HOOK2: variants seen among roughly 807,000 people sequenced by gnomAD.
HOOK2 encodes the protein hook microtubule tethering protein 2, also known as protein Hook homolog 2.
A neutral mutation model predicts 111.9 loss-of-function variants in HOOK2; 108 were observed. That is an observed-to-expected ratio of 0.96 (90% CI 0.83 to 1.13). The LOEUF is 1.13. Among genes scored for constraint, HOOK2 ranks in the 50% most tolerant of loss-of-function variants. The pLI, the probability that HOOK2 is intolerant of heterozygous loss-of-function variation, is 0.00. For missense variants in HOOK2, 978 were observed against 951.3 expected (o/e 1.03, Z -0.37); for synonymous variants, 405 against 394.3 (o/e 1.03, Z -0.32).
Position 12,786,291 on chromosome 19 carries a change from A to G in HOOK2, n.42-12066T>C, listed in dbSNP as rs188381951. 1.6e-3 allele frequency among the ~76,000 whole-genome samples: 249 copies of G among 152,182 alleles called. 5 individuals carry two copies. Among genetic ancestry groups the G allele is most frequent in the Admixed American group, 0.016 (244 of 15,298 alleles). On this transcript the variant is annotated intron_variant and non_coding_transcript_variant, in intron 3 of 3. Coordinates refer to the HOOK2 transcript ENST00000589765. This position sits in a 1 kb window ranked among gnomAD's most constrained non-coding sequence, Gnocchi z 4.3. ...TGTGGGTTCTCGCCCTGGCCTGCCCACTGGCTGACTCACAGGCAGCCCCCA... is the reference window on the plus strand; with the variant it reads ...TGTGGGTTCTCGCCCTGGCCTGCCCGCTGGCTGACTCACAGGCAGCCCCCA...
In HOOK2 at chr19:12,772,185, C is replaced by A; in HGVS notation, c.519+5G>T. 1 of 1,608,864 alleles carries A rather than the reference C, an allele frequency of 6.2e-7. No individual in the cohort carries two copies. The highest frequency in any genetic ancestry group is 8.5e-7 in the Non-Finnish European group (1 of 1,175,182). ...CCTGGAACACCTTTCCCCCAAATCT[C>A]TTACCTGGCTGTCAAAGTTGCCATA... On this transcript the variant is annotated splice_donor_5th_base_variant and intron_variant, in intron 7 of 22. Coordinates refer to ENST00000397668, the MANE Select transcript of HOOK2 (RefSeq NM_013312.3).
At chr19:12,778,834 G>A (rs2145790679), upstream of HOOK2, among the ~76,000 whole-genome samples, 1 of 152,324 alleles carries the variant, frequency 6.6e-6, no homozygotes, top group Non-Finnish European at 1.5e-5. Context: ...CAATTTGGGG[G>A]AGGAGCATAA....
intron 3 of HOOK2, among the ~76,000 whole-genome samples, chr19:12,783,856 C>T (rs1488094615): frequency 2.0e-5 from 3 of 152,208 alleles, no homozygotes; most frequent in Non-Finnish European, 2.9e-5. Flanking sequence ...GGCCATGCCC[C>T]ACCCAGACAC....
chr19:12,775,765 C>A (rs910653149), upstream of HOOK2: 48 of 312,826 alleles, frequency 1.5e-4, no homozygotes, highest in Non-Finnish European at 1.7e-5. Context: ...CCCATCCTCG[C>A]CCTGGCCCTT....
At chr19:12,770,109 G>A in intron 10 of HOOK2, 27 bp from the exon 11 acceptor site, 1 of 1,464,962 alleles carries the variant, frequency 6.8e-7, no homozygotes, top group East Asian at 2.8e-5. Flanking sequence ...GAAGGGGGAG[G>A]GCTGAGAGCT....
Position 12,766,248 on chromosome 19 carries a change from C to G in HOOK2, c.1374-8G>C, listed in dbSNP as rs760689435. 135 of 1,563,458 alleles carry G rather than the reference C, an allele frequency of 8.6e-5. No homozygotes were observed. Among genetic ancestry groups the G allele is most frequent in the Non-Finnish European group, 1.0e-4 (120 of 1,161,000 alleles). On this transcript the variant is annotated splice_polypyrimidine_tract_variant and splice_region_variant and intron_variant, in intron 14 of 22. Transcript: ENST00000397668. Reference sequence around the variant, plus strand: ...AGCCGCAGGAGCGTCTCCCTGCAGACCCGGGAGGAGAGAGCAGGGCCAGGG... The same window carrying G: ...AGCCGCAGGAGCGTCTCCCTGCAGAGCCGGGAGGAGAGAGCAGGGCCAGGG...
chr19:12,767,485 C>A (rs1442932219), intron 13 of HOOK2, 21 bp from the exon 14 acceptor site: 9 of 1,597,046 alleles, frequency 5.6e-6, no homozygotes, highest in Non-Finnish European at 7.7e-6. Context: ...CGAGAAAAGT[C>A]TTCAGGTCTC....
At chr19:12,779,976 C>T (rs886146421), upstream of HOOK2, among the ~76,000 whole-genome samples, 5 of 152,198 alleles carry the variant, frequency 3.3e-5, no homozygotes, top group African/African-American at 7.2e-5. Flanking sequence ...ATAGTGAAAC[C>T]CTGTCTCTAC....
upstream of HOOK2, among the ~76,000 whole-genome samples, chr19:12,781,918 C>G (rs145564183): frequency 6.6e-6 from 1 of 152,088 alleles, no homozygotes; most frequent in Middle Eastern, 3.4e-3. Flanking sequence ...CTGCTCAGTG[C>G]AGCCTTGAAT....
chr19:12,787,401 C>T (rs1319123750), intron 3 of HOOK2, among the ~76,000 whole-genome samples: 1 of 152,050 alleles, frequency 6.6e-6, no homozygotes, highest in Non-Finnish European at 1.5e-5. Flanking sequence ...GAGGCTGAGG[C>T]GGGCAGATAA....
chr19:12,783,998 C>A (rs1201182746), intron 3 of HOOK2, among the ~76,000 whole-genome samples: 1 of 151,708 alleles, frequency 6.6e-6, no homozygotes, highest in Non-Finnish European at 1.5e-5. Flanking sequence ...ATTCCAGTGC[C>A]CTGAGAGGGC....
In HOOK2 at chr19:12,790,248, G is replaced by T. The variant is rs2599483; in HGVS notation, n.42-16023C>A. 6.6e-6 allele frequency among the ~76,000 whole-genome samples: 1 copy of T among 152,198 alleles called. No homozygotes were observed. Among genetic ancestry groups the T allele is most frequent in the African/African-American group, 2.4e-5 (1 of 41,452 alleles). On this transcript the variant is annotated intron_variant and non_coding_transcript_variant, in intron 3 of 3. Transcript: ENST00000589765. This position sits in a 1 kb window ranked among gnomAD's most constrained non-coding sequence, Gnocchi z 7.2. ...TTCCTCTTCCGAGGCGCAGGATGCG[G>T]CGGGACCCAGGGCGGGGCGCACGGT...
chr19:12,770,214 A>T (rs1394864892), intron 10 of HOOK2, 132 bp from the exon 11 acceptor site: 9 of 730,022 alleles, frequency 1.2e-5, no homozygotes, highest in Non-Finnish European at 1.9e-5. Flanking sequence ...GGGTCATGAA[A>T]GTTGAGGGTT....
chr19:12,789,672 G>A (rs1023900849), intron 3 of HOOK2, among the ~76,000 whole-genome samples: 2 of 151,520 alleles, frequency 1.3e-5, no homozygotes, highest in Non-Finnish European at 2.9e-5. Context: ...TCCGCGCCCC[G>A]TCGGGCCGGG....
At position 12,764,852 on chromosome 19, in the gene HOOK2, C is replaced by T; in HGVS notation, c.1789G>A (p.Glu597Lys). 1 of 1,614,048 alleles carries T rather than the reference C, an allele frequency of 6.2e-7. No individual in the cohort carries two copies. Among genetic ancestry groups the T allele is most frequent in the Non-Finnish European group, 8.5e-7 (1 of 1,180,038 alleles). Reference sequence around the variant, plus strand: ...TCCACGTAGCGGCGGTATCGCTCCTCCATGGCCCGCAAGTCCGCGTCCTTC... The same window carrying T: ...TCCACGTAGCGGCGGTATCGCTCCTTCATGGCCCGCAAGTCCGCGTCCTTC... ...QKKDADLRAM[E>K]ERYRRYVDKA... The change falls in exon 20 of 23, where the codon GAG becomes AAG. Residue 597 changes from glutamate (E) to lysine (K), a missense_variant. By Grantham distance (56) the Glu-to-Lys change is moderately conservative (BLOSUM62 1). This residue lies in a region of HOOK2 where 277 missense variants were observed against 265.8 expected (regional missense o/e 1.04). Transcript: ENST00000397668.
In HOOK2 at chr19:12,767,420, C is replaced by T. The variant is rs1455714684; in HGVS notation, c.1348G>A (p.Ala450Thr). Residue 450 changes from alanine (A) to threonine (T), a missense_variant, in exon 14 of 23, where the codon GCA becomes ACA. Ala to Thr is a moderately conservative substitution (Grantham distance 58, BLOSUM62 0). Coordinates refer to ENST00000397668, the MANE Select transcript of HOOK2 (RefSeq NM_013312.3). ...CTGAGCTCCGCAGGCAGGATCTCTG[C>T]GGCTAAGTTATCCACGGGTGTGGAG... ...PTSTPVDNLA[A>T]EILPAELRET... 15 of 1,613,850 alleles carry T rather than the reference C, an allele frequency of 9.3e-6. No individual in the cohort carries two copies. The highest frequency in any genetic ancestry group is 2.7e-5 in the African/African-American group (2 of 74,890).
chr19:12,775,939 C>G (rs2145781771), upstream of HOOK2, among the ~76,000 whole-genome samples: 1 of 137,790 alleles, frequency 7.3e-6, no homozygotes, highest in African/African-American at 2.9e-5. Context: ...TGCAGTGGCG[C>G]AATCTCGGCT....
At chr19:12,765,607 G>A (rs1911678305) in intron 18 of HOOK2, 83 bp downstream of exon 18, 1 of 1,535,070 alleles carries the variant, frequency 6.5e-7, no homozygotes, top group Non-Finnish European at 9.0e-7. Flanking sequence ...AAATCAGCCA[G>A]GCATGGTGGC....
chr19:12,774,014 A>G (rs1005042758), intron 3 of HOOK2: 3 of 154,514 alleles, frequency 1.9e-5, no homozygotes, highest in African/African-American at 7.2e-5. Context: ...TCAGCCACCT[A>G]TGCCCTCATT....
Sources: gnomAD v4.1 joint callset for allele counts (sites outside exome capture counted in the v4.1 genomes callset) on GRCh38, gnomAD v4.1.1 for gene constraint, gnomAD v4.1.1 regional missense constraint, Gnocchi (gnomAD v3.1) non-coding constraint, MANE v1.5 for transcripts, NCBI Gene and HGNC (gene_info 2026-07-23, HGNC 2026-07-21) for gene names.